Variants in ATAD2B observed in about 807,000 individuals in gnomAD.
The protein encoded by ATAD2B is ATPase family AAA domain containing 2B.
In ATAD2B, 40 loss-of-function variants were observed where a neutral mutation model predicts 167.6. The ratio of observed to expected loss-of-function variants is 0.24; its 90% CI spans 0.19 to 0.31. The LOEUF (loss-of-function observed/expected upper bound fraction) is 0.31. Ranked by LOEUF, ATAD2B falls within the 10% of genes least tolerant of loss-of-function variation. ATAD2B has a pLI of 1.00. For missense variants in ATAD2B, 1,242 were observed against 1,757.2 expected, an observed-to-expected ratio of 0.71 and a Z score of 5.24; for synonymous variants, 579 against 596.5, an observed-to-expected ratio of 0.97 and a Z score of 0.43.
At chr2:23,913,627 G>C (rs903731814) in intron 1 of ATAD2B, among the ~76,000 whole-genome samples, 2 of 144,240 alleles carry the variant, frequency 1.4e-5, no homozygotes, top group African/African-American at 5.1e-5. Context: ...GCAACAGAGC[G>C]AGACTCTCTT....
chr2:23,776,729 A>T lies in ATAD2B; in HGVS notation c.3133+6140T>A, dbSNP rs565681813. Among the ~76,000 whole-genome samples the T allele has an allele frequency of 1.2e-4, 19 of 152,326 alleles. No individual in the cohort carries two copies. In the South Asian group the frequency reaches 3.3e-3, roughly 27 times the overall value. On this transcript the variant is annotated intron_variant, in intron 22 of 27. Transcript: ENST00000238789. ...ATAAGACCTTATGACACTGTCTTAT[A>T]ATCATCTGCTGGCACCTTAAGACAT...
At chr2:23,903,501 A>C (rs541293700) in intron 1 of ATAD2B, among the ~76,000 whole-genome samples, 1 of 152,268 alleles carries the variant, frequency 6.6e-6, no homozygotes, top group South Asian at 2.1e-4. Context: ...AATTTGTAAA[A>C]ACCATTCTCT....
At chr2:23,839,505 T>C (rs574739766) in intron 13 of ATAD2B, among the ~76,000 whole-genome samples, 1 of 152,278 alleles carries the variant, frequency 6.6e-6, no homozygotes, top group East Asian at 1.9e-4. Flanking sequence ...ATCATCTTGA[T>C]TTTTCTCTAA....
At chr2:23,875,743 A>G in intron 8 of ATAD2B, 86 bp downstream of exon 8, 2 of 865,916 alleles carry the variant, frequency 2.3e-6, no homozygotes, top group Admixed American at 2.2e-5. Flanking sequence ...TAGGATGACA[A>G]CTGTTAGTCA....
At chr2:23,874,371 T>C (rs561762331) in intron 8 of ATAD2B, among the ~76,000 whole-genome samples, 5 of 152,044 alleles carry the variant, frequency 3.3e-5, no homozygotes, top group South Asian at 4.2e-4. Flanking sequence ...TTCTAAGATA[T>C]AACAGTAAAA....
the ATAD2B span, among the ~76,000 whole-genome samples, chr2:23,692,771 T>C: frequency 6.6e-6 from 1 of 151,862 alleles, no homozygotes; most frequent in Non-Finnish European, 1.5e-5. Flanking sequence ...GCTGGCCAGA[T>C]GGACCCCAGA....
At chr2:23,865,885 A>G in intron 10 of ATAD2B, 3 of 497,092 alleles carry the variant, frequency 6.0e-6, no homozygotes, top group Non-Finnish European at 7.8e-6. Context: ...TAAGAAAAAA[A>G]GTGTACAGAC....
At chr2:23,716,405 G>A in the ATAD2B span, among the ~76,000 whole-genome samples, 1 of 151,954 alleles carries the variant, frequency 6.6e-6, no homozygotes, top group Non-Finnish European at 1.5e-5. Flanking sequence ...TAGAGATCAG[G>A]TATATTAGCC....
the ATAD2B span, among the ~76,000 whole-genome samples, chr2:23,740,282 C>A: frequency 6.6e-6 from 1 of 152,186 alleles, no homozygotes; most frequent in African/African-American, 2.4e-5. Context: ...CCCTGATGAA[C>A]ATCGATGTAA....
intron 27 of ATAD2B, among the ~76,000 whole-genome samples, chr2:23,752,694 T>C (rs1169272859): frequency 1.3e-5 from 2 of 152,080 alleles, no homozygotes; most frequent in Non-Finnish European, 2.9e-5. Flanking sequence ...TTCCTCATTA[T>C]ATTTCACTAA....
the ATAD2B span, among the ~76,000 whole-genome samples, chr2:23,717,104 GAAAAT>G: frequency 6.6e-6 from 1 of 152,110 alleles, no homozygotes; most frequent in Admixed American, 6.5e-5. Context: ...GGACAACATC[GAAAAT>G]AAAATTAAAT....
intron 22 of ATAD2B, among the ~76,000 whole-genome samples, chr2:23,770,874 C>A (rs557771212): frequency 6.6e-6 from 1 of 152,142 alleles, no homozygotes; most frequent in African/African-American, 2.4e-5. Context: ...CTATCAAATG[C>A]CTGCTGGAAT....
chr2:23,710,141 A>T, the ATAD2B span, among the ~76,000 whole-genome samples: 1 of 150,068 alleles, frequency 6.7e-6, no homozygotes, highest in African/African-American at 2.4e-5. Flanking sequence ...CATAGCCAAA[A>T]TAAGAAGAGA....
rs1360588653 is a variant in ATAD2B, at chr2:23,863,333, G to T, written c.1479+48C>A. On this transcript the variant is annotated intron_variant, in intron 12 of 27. Coordinates refer to ENST00000238789, the MANE Select transcript of ATAD2B (RefSeq NM_017552.4). ...GTCTCAAAAAAACAAAGAAAGAAAA[G>T]AACAGAACAGAACAGAAAAGACTCT... The T allele has an allele frequency of 3.3e-6, 5 of 1,513,618 alleles. No individual in the cohort carries two copies. The South Asian group carries it at 3.8e-5, about 12-fold the overall frequency. 93.8% of individuals were successfully genotyped at this position (1,513,618 alleles called of 1,614,324 possible). A position where few individuals can be genotyped will look rare whatever the true frequency, so the allele number is the denominator to read the frequency against.
At chr2:23,844,860 G>T (rs1234589647) in intron 13 of ATAD2B, among the ~76,000 whole-genome samples, 2 of 151,508 alleles carry the variant, frequency 1.3e-5, no homozygotes, top group African/African-American at 2.4e-5. Flanking sequence ...CAAGTTTGAT[G>T]AAAAACACAC....
intron 19 of ATAD2B, among the ~76,000 whole-genome samples, chr2:23,794,667 T>C (rs1267337463): frequency 6.6e-6 from 1 of 151,720 alleles, no homozygotes; most frequent in Non-Finnish European, 1.5e-5. Context: ...TTGGAAATAA[T>C]ATATTATAAA....
chr2:23,899,831 CGCCT>C (rs1700588012), intron 1 of ATAD2B, among the ~76,000 whole-genome samples: 1 of 149,460 alleles, frequency 6.7e-6, no homozygotes. Flanking sequence ...ACTTGTGATC[CGCCT>C]GCCTCAGCCT....
At chr2:23,743,008 G>A in the ATAD2B span, among the ~76,000 whole-genome samples, 1 of 152,002 alleles carries the variant, frequency 6.6e-6, no homozygotes, top group African/African-American at 2.4e-5. Context: ...GAAAGCCTTA[G>A]GAGAAGGAAA....
At chr2:23,888,077 CA>C (rs1698955194) in intron 3 of ATAD2B, 92 bp from the exon 4 acceptor site, 4 of 1,107,878 alleles carry the variant, frequency 3.6e-6, no homozygotes, top group South Asian at 2.5e-5. Flanking sequence ...TAAAAGACTA[CA>C]AAAAATTTAA....
Sources: gnomAD v4.1 joint callset for allele counts (sites outside exome capture counted in the v4.1 genomes callset) on GRCh38, gnomAD v4.1.1 for gene constraint, MANE v1.5 for transcripts, NCBI Gene and HGNC (gene_info 2026-07-23, HGNC 2026-07-21) for gene names.